Variants in HS2ST1 observed in about 807,000 individuals in gnomAD.
HS2ST1 encodes heparan sulfate 2-O-sulfotransferase 1.
A neutral mutation model predicts 42.9 loss-of-function variants in HS2ST1; 18 were observed. The observed-to-expected ratio is 0.42, with a 90% confidence interval of 0.29 to 0.62. The LOEUF (loss-of-function observed/expected upper bound fraction) is 0.62. Among genes scored for constraint, HS2ST1 ranks in the 20% least tolerant of loss-of-function variants. The pLI, the probability that HS2ST1 is intolerant of heterozygous loss-of-function variation, is 0.21. For synonymous variants in HS2ST1, 146 were observed against 152.9 expected, an observed-to-expected ratio of 0.95 and a Z score of 0.33; for missense variants, 334 against 433.8, an observed-to-expected ratio of 0.77 and a Z score of 2.04.
At chr1:87,066,218 A>C (rs534048854) in intron 1 of HS2ST1, among the ~76,000 whole-genome samples, 2 of 152,226 alleles carry the variant, frequency 1.3e-5, no homozygotes, top group Admixed American at 1.3e-4. Context: ...AAAAGAATTG[A>C]GTTTGTTGCT....
At chr1:86,947,782 C>T (rs1267401144) in intron 1 of HS2ST1, among the ~76,000 whole-genome samples, 26 of 151,794 alleles carry the variant, frequency 1.7e-4, no homozygotes, top group Admixed American at 1.4e-3. Flanking sequence ...AAATGTGTGC[C>T]GTTTGAGGGA....
At chr1:87,080,549 C>T (rs551973693) in intron 2 of HS2ST1, among the ~76,000 whole-genome samples, 1 of 152,142 alleles carries the variant, frequency 6.6e-6, no homozygotes, top group Non-Finnish European at 1.5e-5. Context: ...GCAATTGTCC[C>T]CCAGCAGGAA....
At chr1:86,999,208 C>G (rs1649201198) in intron 1 of HS2ST1, among the ~76,000 whole-genome samples, 1 of 151,156 alleles carries the variant, frequency 6.6e-6, no homozygotes, top group Non-Finnish European at 1.5e-5. Flanking sequence ...GATGGAGTTT[C>G]ACTGTTGTTG....
intron 1 of HS2ST1, among the ~76,000 whole-genome samples, chr1:87,041,590 A>G (rs2100605081): frequency 6.6e-6 from 1 of 152,208 alleles, no homozygotes; most frequent in East Asian, 1.9e-4. Context: ...ATTAACAGCA[A>G]CTGCTTCCCC....
At chr1:87,001,315 A>G (rs1649278194) in intron 1 of HS2ST1, among the ~76,000 whole-genome samples, 1 of 152,156 alleles carries the variant, frequency 6.6e-6, no homozygotes, top group African/African-American at 2.4e-5. Flanking sequence ...AATTTTGTTA[A>G]TATTATAAGT....
rs547573480 is a variant in HS2ST1 at position 86,984,059 on chromosome 1, A to G, written c.124+68899A>G. 9.2e-5 allele frequency among the ~76,000 whole-genome samples: 14 copies of G among 152,100 alleles called. No homozygotes were observed. The South Asian group carries it at 2.5e-3, about 27-fold the overall frequency. ...CATCTCAAAAAAAAAAAAAATTTCA[A>G]CTTAGTAATAACCATTTATTAGATG... On this transcript the variant is annotated intron_variant, in intron 1 of 6. Coordinates refer to ENST00000370550, the MANE Select transcript of HS2ST1 (RefSeq NM_012262.4).
chr1:86,946,572 G>T (rs981318748), intron 1 of HS2ST1, among the ~76,000 whole-genome samples: 1 of 152,180 alleles, frequency 6.6e-6, no homozygotes, highest in Admixed American at 6.5e-5. Flanking sequence ...AATCTCTTAG[G>T]ATTCTTTTTA....
At chr1:86,925,265 C>G (rs750496446) in intron 1 of HS2ST1, among the ~76,000 whole-genome samples, 1 of 152,190 alleles carries the variant, frequency 6.6e-6, no homozygotes, top group Non-Finnish European at 1.5e-5. Flanking sequence ...CAGCAAGTCT[C>G]TAGGAAGTTC....
intron 1 of HS2ST1, among the ~76,000 whole-genome samples, chr1:86,941,149 T>G (rs1160327354): frequency 6.6e-6 from 1 of 152,206 alleles, no homozygotes; most frequent in Admixed American, 6.5e-5. Context: ...GGCCAGTTCT[T>G]GGCAAAATTA....
chr1:86,920,017 C>T (rs986050709), intron 1 of HS2ST1, among the ~76,000 whole-genome samples: 1 of 152,150 alleles, frequency 6.6e-6, no homozygotes, highest in Non-Finnish European at 1.5e-5. Flanking sequence ...ATTTCAAGAG[C>T]GCACTTGTTG....
At chr1:87,048,909 C>T (rs1417800496) in intron 1 of HS2ST1, among the ~76,000 whole-genome samples, 1 of 152,030 alleles carries the variant, frequency 6.6e-6, no homozygotes, top group African/African-American at 2.4e-5. Context: ...ATTTTGGTAT[C>T]AAAGGCTGGC....
At chr1:86,924,600 C>G (rs1660374956) in intron 1 of HS2ST1, among the ~76,000 whole-genome samples, 1 of 152,186 alleles carries the variant, frequency 6.6e-6, no homozygotes, top group African/African-American at 2.4e-5. Context: ...TGTGCACTCG[C>G]AGGCTCAACA....
At chr1:87,050,672 T>C (rs867378811) in intron 1 of HS2ST1, among the ~76,000 whole-genome samples, 1 of 152,056 alleles carries the variant, frequency 6.6e-6, no homozygotes, top group African/African-American at 2.4e-5. Context: ...AAATACAGAT[T>C]CCCCAGTCCC....
At chr1:86,921,921 A>G (rs184660167) in intron 1 of HS2ST1, among the ~76,000 whole-genome samples, 1 of 152,284 alleles carries the variant, frequency 6.6e-6, no homozygotes, top group Non-Finnish European at 1.5e-5. Context: ...ATTTATATTT[A>G]AAGTGGATTT....
intron 1 of HS2ST1, among the ~76,000 whole-genome samples, chr1:86,997,564 TGGA>T (rs897554363): frequency 2.6e-5 from 4 of 152,220 alleles, no homozygotes; most frequent in African/African-American, 9.7e-5. Context: ...TTATCTTATA[TGGA>T]GGAGTAAGGC....
intron 1 of HS2ST1, among the ~76,000 whole-genome samples, chr1:86,951,592 T>A (rs1440398505): frequency 6.6e-6 from 1 of 152,248 alleles, no homozygotes; most frequent in African/African-American, 2.4e-5. Context: ...AATTTTTTGC[T>A]GATAGGAGGA....
intron 1 of HS2ST1, among the ~76,000 whole-genome samples, chr1:87,017,990 T>G (rs1052363145): frequency 6.6e-6 from 1 of 152,008 alleles, no homozygotes; most frequent in African/African-American, 2.4e-5. Context: ...TTACCTAAGG[T>G]TTTCTCATCC....
intron 1 of HS2ST1, among the ~76,000 whole-genome samples, chr1:87,053,088 A>G (rs1265375551): frequency 2.0e-5 from 3 of 152,248 alleles, no homozygotes. Flanking sequence ...GCAAGTTTTC[A>G]GCATTGCTAA....
chr1:86,935,191 C>G (rs1473087077), intron 1 of HS2ST1, among the ~76,000 whole-genome samples: 2 of 151,532 alleles, frequency 1.3e-5, no homozygotes, highest in Admixed American at 6.6e-5. Context: ...TAGGATTATA[C>G]TATTTTAAAT....
Sources: allele counts gnomAD v4.1 joint callset (sites outside exome capture counted in the v4.1 genomes callset), GRCh38; gene constraint gnomAD v4.1.1; transcripts MANE v1.5; gene names NCBI Gene and HGNC (gene_info 2026-07-23, HGNC 2026-07-21).